Variants in OSBPL9 observed in about 807,000 individuals in gnomAD.
OSBPL9 encodes the protein oxysterol binding protein like 9, also known as oxysterol-binding protein-related protein 9.
In OSBPL9, 40 loss-of-function variants were observed where a neutral mutation model predicts 106.6. The ratio of observed to expected loss-of-function variants is 0.38; its 90% CI spans 0.29 to 0.49. The LOEUF (loss-of-function observed/expected upper bound fraction) is 0.49, where lower values mean the gene tolerates loss of function less well. Ranked by LOEUF, OSBPL9 falls within the 20% of genes least tolerant of loss-of-function variation. The pLI, the probability that OSBPL9 is intolerant of heterozygous loss-of-function variation, is 0.97. For synonymous variants in OSBPL9, 269 were observed against 295.4 expected (o/e 0.91, Z 0.92); for missense variants, 609 against 887.2 (o/e 0.69, Z 3.98).
intron 4 of OSBPL9, among the ~76,000 whole-genome samples, chr1:51,721,249 G>A (rs1053762339): frequency 1.3e-5 from 2 of 152,076 alleles, no homozygotes; most frequent in African/African-American, 4.8e-5. Context: ...AGGGAGGGCT[G>A]AAGGGAACAG....
Position 51,729,856 on chromosome 1 carries a change from C to A in OSBPL9, c.319-15680C>A. On this transcript the variant is annotated intron_variant, in intron 4 of 23. Coordinates refer to ENST00000428468, the MANE Select transcript of OSBPL9 (RefSeq NM_024586.6). The surrounding 1 kb of genome is among the most constrained non-coding windows in gnomAD (Gnocchi z 5.1). Reference sequence around the variant, plus strand: ...GTGTCCCGGGGGACGGGCTGAACCTCAGTCAGGACCGCCTGCACCGCAGTC... The same window carrying A: ...GTGTCCCGGGGGACGGGCTGAACCTAAGTCAGGACCGCCTGCACCGCAGTC... 8.0e-7 allele frequency: 1 copy of A among 1,246,916 alleles called. No individual in the cohort carries two copies. The allele number at this position is 1,246,916 out of a possible 1,614,324, so 77.2% of individuals were successfully genotyped here.
At chr1:51,725,830 T>C (rs1663018385) in intron 4 of OSBPL9, among the ~76,000 whole-genome samples, 1 of 152,166 alleles carries the variant, frequency 6.6e-6, no homozygotes, top group Admixed American at 6.5e-5. Flanking sequence ...CTGCCCATAT[T>C]ACTACATGTC....
At chr1:51,772,863 ATAAG>A (rs1674243933) in intron 14 of OSBPL9, 140 bp downstream of exon 14, 3 of 683,768 alleles carry the variant, frequency 4.4e-6, no homozygotes, top group Non-Finnish European at 5.3e-6. Flanking sequence ...ATAGATGTAG[ATAAG>A]TAAACAAAAT....
At chr1:51,714,139 G>A in intron 4 of OSBPL9, 60 bp downstream of exon 4, 1 of 1,255,092 alleles carries the variant, frequency 8.0e-7, no homozygotes, top group South Asian at 1.5e-5. Flanking sequence ...TTTTTTGTCT[G>A]TTTTCTGTTT....
chr1:51,585,890 T>C (rs1310059567), intron 1 of OSBPL9, among the ~76,000 whole-genome samples: 1 of 151,676 alleles, frequency 6.6e-6, no homozygotes, highest in African/African-American at 2.4e-5. Flanking sequence ...AAAAGGGTAA[T>C]GGCCAGGAGC....
At chr1:51,587,947 C>T in intron 1 of OSBPL9, among the ~76,000 whole-genome samples, 1 of 152,256 alleles carries the variant, frequency 6.6e-6, no homozygotes, top group Non-Finnish European at 1.5e-5. Flanking sequence ...CCCTCCTTGG[C>T]TTCCCAACTG....
chr1:51,729,949 G>C lies in OSBPL9; in HGVS notation c.319-15587G>C. 7.6e-7 allele frequency: 1 copy of C among 1,314,770 alleles called. No individual in the cohort carries two copies. Among genetic ancestry groups the C allele is most frequent in the Non-Finnish European group, 9.8e-7 (1 of 1,024,010 alleles). The allele number at this position is 1,314,770 out of a possible 1,614,324, so 81.4% of individuals were successfully genotyped here. ...GCAGCCCCCGGCTACCTCCCCTGGA[G>C]GCACAGAGGGCGGGGGCCTTGGCGA... On this transcript the variant is annotated intron_variant, in intron 4 of 23. Transcript: ENST00000428468. The surrounding 1 kb of genome is among the most constrained non-coding windows in gnomAD (Gnocchi z 5.1).
chr1:51,519,793 G>C, the OSBPL9 span, among the ~76,000 whole-genome samples: 1 of 152,178 alleles, frequency 6.6e-6, no homozygotes, highest in African/African-American at 2.4e-5. Flanking sequence ...TAATTATATA[G>C]CTGAATTAGA....
Position 51,765,895 on chromosome 1 carries a change from A to C in OSBPL9, c.852A>C (p.Pro284=). The part of the protein sequence containing the change: ...SHVNLSPNTV[P]EFSYSSSEDE... ...TGAACTTGTCTCCAAATACAGTCCC[A>C]GAGTTCTCTTACTCCAGCAGTGAAG... The change falls in exon 12 of 24, where the codon CCA becomes CCC. Residue 284 remains proline, a synonymous_variant. Coordinates refer to ENST00000428468, the MANE Select transcript of OSBPL9 (RefSeq NM_024586.6). The C allele has an allele frequency of 6.2e-7, 1 of 1,614,128 alleles. No homozygotes were observed. Among genetic ancestry groups the C allele is most frequent in the Non-Finnish European group, 8.5e-7 (1 of 1,179,966 alleles).
At chr1:51,740,282 A>T (rs889000637) in intron 4 of OSBPL9, 8 of 1,403,466 alleles carry the variant, frequency 5.7e-6, no homozygotes, top group Admixed American at 6.7e-5. Flanking sequence ...GATGCATGTC[A>T]TCTCAAATTG....
At chr1:51,603,806 G>T (rs1213663665) in intron 2 of OSBPL9, among the ~76,000 whole-genome samples, 2 of 152,096 alleles carry the variant, frequency 1.3e-5, no homozygotes, top group African/African-American at 2.4e-5. Flanking sequence ...AATTATTTAG[G>T]ATATGATATC....
the OSBPL9 span, among the ~76,000 whole-genome samples, chr1:51,530,030 G>T: frequency 6.6e-6 from 1 of 151,528 alleles, no homozygotes; most frequent in African/African-American, 2.4e-5. Context: ...AATTAGCCAG[G>T]TGTGGTGGCG....
At chr1:51,629,130 C>G (rs1274475673) in intron 1 of OSBPL9, among the ~76,000 whole-genome samples, 1 of 152,160 alleles carries the variant, frequency 6.6e-6, no homozygotes, top group African/African-American at 2.4e-5. Context: ...TCATATGTCA[C>G]TGCTCAGAGA....
At position 51,789,215 on chromosome 1, in the gene OSBPL9, G is replaced by A; in HGVS notation, c.*1426G>A. 1.9e-6 allele frequency: 3 copies of A among 1,603,636 alleles called. No homozygotes were observed. The highest frequency in any genetic ancestry group is 2.2e-5 in the South Asian group (2 of 90,870). On this transcript the variant is annotated 3_prime_UTR_variant, in exon 24 of 24. Coordinates refer to ENST00000428468, the MANE Select transcript of OSBPL9 (RefSeq NM_024586.6). ...CATTTTAAAATACACATTGCTTCAGGCCAACGTGACTGCAGTTTATTTATT... is the reference window on the plus strand; with the variant it reads ...CATTTTAAAATACACATTGCTTCAGACCAACGTGACTGCAGTTTATTTATT...
intron 2 of OSBPL9, among the ~76,000 whole-genome samples, chr1:51,664,454 G>A (rs922332156): frequency 9.2e-5 from 14 of 152,158 alleles, no homozygotes; most frequent in African/African-American, 3.4e-4. Flanking sequence ...ACTTTGAGAG[G>A]CTGGGATGGG....
At chr1:51,700,564 T>C (rs1010949479) in intron 3 of OSBPL9, among the ~76,000 whole-genome samples, 3 of 152,222 alleles carry the variant, frequency 2.0e-5, no homozygotes, top group Admixed American at 1.3e-4. Flanking sequence ...TTATCTGATA[T>C]GTTCTCATGA....
chr1:51,695,726 T>G (rs1655888334), intron 3 of OSBPL9, among the ~76,000 whole-genome samples: 1 of 152,192 alleles, frequency 6.6e-6, no homozygotes, highest in Admixed American at 6.5e-5. Context: ...AATACTAAAC[T>G]TTTCTGTTTC....
chr1:51,607,675 T>C (rs1643958445), intron 2 of OSBPL9, among the ~76,000 whole-genome samples: 1 of 152,212 alleles, frequency 6.6e-6, no homozygotes, highest in African/African-American at 2.4e-5. Flanking sequence ...CCTGCCATAA[T>C]CAGCCTAGAT....
chr1:51,746,146 A>G (rs1571494472), intron 5 of OSBPL9, among the ~76,000 whole-genome samples: 1 of 152,116 alleles, frequency 6.6e-6, no homozygotes, highest in Non-Finnish European at 1.5e-5. Flanking sequence ...GTTTCGCCAT[A>G]TTGGCCAGGC....
Sources: gnomAD v4.1 joint callset for allele counts (sites outside exome capture counted in the v4.1 genomes callset) on GRCh38, gnomAD v4.1.1 for gene constraint, Gnocchi (gnomAD v3.1) non-coding constraint, MANE v1.5 for transcripts, NCBI Gene and HGNC (gene_info 2026-07-23, HGNC 2026-07-21) for gene names.